Variants in CD300LG observed in about 807,000 individuals in gnomAD.
CD300LG encodes the protein CMRF35-like molecule 9.
CD300LG carries 29 observed loss-of-function variants against 31.5 expected under a neutral mutation model. The ratio of observed to expected loss-of-function variants is 0.92; its 90% confidence interval spans 0.68 to 1.25. The LOEUF is 1.25. Among genes scored for constraint, CD300LG ranks in the 50% most tolerant of loss-of-function variants. The pLI is 0.00. For synonymous variants in CD300LG, 175 were observed against 177.2 expected (o/e 0.99, Z 0.10); for missense variants, 396 against 417.6 (o/e 0.95, Z 0.45).
Position 43,848,595 on chromosome 17 carries a change from G to C in CD300LG, c.81G>C (p.Gly27=), listed in dbSNP as rs776536925. 3.1e-5 allele frequency: 50 copies of C among 1,613,900 alleles called. No homozygotes were observed. Among genetic ancestry groups the C allele is most frequent in the Non-Finnish European group, 4.0e-5 (47 of 1,179,960 alleles). The change falls in exon 2 of 7, where the codon GGG becomes GGC. Residue 27 remains glycine (G), a synonymous_variant. Coordinates refer to ENST00000317310, the MANE Select transcript of CD300LG (RefSeq NM_145273.4). ...TGGAGGGCCCAGAGGAAATCAGCGGGTTCGAAGGGGACACTGTGTCCCTGC... is the reference window on the plus strand; with the variant it reads ...TGGAGGGCCCAGAGGAAATCAGCGGCTTCGAAGGGGACACTGTGTCCCTGC... ...EALEGPEEIS[G]FEGDTVSLQC...
intron 1 of CD300LG, 87 bp from the exon 2 acceptor site, chr17:43,848,471 C>T: frequency 9.1e-7 from 1 of 1,104,050 alleles, no homozygotes; most frequent in Non-Finnish European, 1.3e-6. Context: ...AAAAGCCTTC[C>T]TTCTTCCTCC....
chr17:43,853,589 A>AC (rs2046421897), intron 3 of CD300LG, among the ~76,000 whole-genome samples: 1 of 152,120 alleles, frequency 6.6e-6, no homozygotes, highest in Non-Finnish European at 1.5e-5. Flanking sequence ...AAAGAGACTG[A>AC]ACATCATGCA....
In CD300LG at chr17:43,853,959, G is replaced by A. The variant is rs758974683; in HGVS notation, c.634G>A (p.Gly212Arg). ...TCACCCAGCGACCTCTCCTCCTGCA[G>A]GGAGCTCCCGCCCCCCCATGCAGCT... is the stretch of plus-strand genomic sequence containing the variant. Reference protein sequence around the residue: ...SPHPATSPPAGSSRPPMQLDS... With the variant: ...SPHPATSPPARSSRPPMQLDS... Residue 212 changes from glycine to arginine, a missense_variant, in exon 4 of 7, where the codon GGG becomes AGG. By Grantham distance (125) the Gly-to-Arg change is moderately radical. Coordinates refer to ENST00000317310, the MANE Select transcript of CD300LG (RefSeq NM_145273.4). 1.1e-5 allele frequency: 18 copies of A among 1,614,030 alleles called. No individual in the cohort carries two copies. In the South Asian group the frequency reaches 2.0e-4, roughly 18 times the overall value.
chr17:43,851,461 G>C (rs143921931), intron 2 of CD300LG, among the ~76,000 whole-genome samples: 125 of 152,160 alleles, frequency 8.2e-4, no homozygotes, highest in African/African-American at 2.9e-3. Flanking sequence ...TTTTTGGATA[G>C]GGGATACTCA....
At chr17:43,851,059 G>A (rs1469462796) in intron 2 of CD300LG, among the ~76,000 whole-genome samples, 5 of 149,810 alleles carry the variant, frequency 3.3e-5, no homozygotes, top group East Asian at 1.9e-4. Flanking sequence ...GCTTCAACCC[G>A]GGAGGCGGAG....
At position 43,848,768 on chromosome 17, in the gene CD300LG, G is replaced by T. The variant is rs148841815; in HGVS notation, c.254G>T (p.Arg85Leu). The change falls in exon 2 of 7, where the codon CGC (arginine) becomes CTC (leucine). Residue 85 changes from arginine to leucine, a missense_variant. Physicochemically the swap from Arg to Leu is moderately radical, Grantham distance 102 (BLOSUM62 -2). Coordinates refer to ENST00000317310, the MANE Select transcript of CD300LG (RefSeq NM_145273.4). The stretch of plus-strand genomic sequence containing the variant: ...GGCAGGGTGTCCATCCGTGACAGCC[G>T]CCAGGAGCTCTCGCTCATTGTGACC... ...MKGRVSIRDS[R>L]QELSLIVTLW... The T allele has an allele frequency of 3.1e-6, 5 of 1,614,006 alleles. No homozygotes were observed. Among genetic ancestry groups the T allele is most frequent in the East Asian group, 2.2e-5 (1 of 44,898 alleles).
rs374975092 is a variant in CD300LG at position 43,857,086 on chromosome 17, C to T, written c.833-18C>T. 2 of 1,613,780 alleles carry T rather than the reference C, an allele frequency of 1.2e-6. No homozygotes were observed. The highest frequency in any genetic ancestry group is 2.7e-5 in the African/African-American group (2 of 74,934). ...TACTCCTGGCTTCAAGGGGCTCCTC[C>T]TTCTACATCTCTTTCAGCTCAACAG... On this transcript the variant is annotated intron_variant, in intron 5 of 6. Coordinates refer to ENST00000317310, the MANE Select transcript of CD300LG (RefSeq NM_145273.4).
intron 3 of CD300LG, 120 bp downstream of exon 3, chr17:43,853,133 G>A: frequency 1.3e-6 from 1 of 784,982 alleles, no homozygotes; most frequent in Non-Finnish European, 2.0e-6. Context: ...CACAAGCCTG[G>A]GAGCTGGGTT....
chr17:43,852,863 G>A (rs2046399446), intron 2 of CD300LG, 49 bp from the exon 3 acceptor site: 1 of 1,434,818 alleles, frequency 7.0e-7, no homozygotes, highest in South Asian at 1.2e-5. Context: ...GAAGGAAAAG[G>A]GGTTCAGAGC....
At chr17:43,855,865 G>A in intron 5 of CD300LG, 1 of 152,342 alleles carries the variant, frequency 6.6e-6, no homozygotes, top group East Asian at 1.9e-4. Flanking sequence ...AGCCACAAAT[G>A]TAATTTAAAA....
rs1316908621 is a variant in CD300LG at position 43,848,482 on chromosome 17, T to TA, written c.44-72dup. The stretch of plus-strand genomic sequence containing the variant: ...TGAGAAAAGCCTTCCTTCTTCCTCC[T>TA]AAAATGGAAGCTCTGGCCTTGACCT... On this transcript the variant is annotated intron_variant, in intron 1 of 6. Coordinates refer to ENST00000317310, the MANE Select transcript of CD300LG (RefSeq NM_145273.4). The TA allele has an allele frequency of 1.7e-5, 21 of 1,221,590 alleles. No individual in the cohort carries two copies. The East Asian group carries it at 2.8e-4, about 16-fold the overall frequency. The allele number at this position is 1,221,590 out of a possible 1,614,324, so 75.7% of individuals were successfully genotyped here.
chr17:43,850,620 G>A (rs1327411632), intron 2 of CD300LG, among the ~76,000 whole-genome samples: 1 of 151,866 alleles, frequency 6.6e-6, no homozygotes, highest in African/African-American at 2.4e-5. Context: ...ACAGGCACAA[G>A]TCACTATGCC....
intron 4 of CD300LG, among the ~76,000 whole-genome samples, chr17:43,854,343 A>G (rs1306193043): frequency 2.6e-5 from 4 of 152,180 alleles, no homozygotes; most frequent in African/African-American, 7.2e-5. Flanking sequence ...TTGCCTGTAT[A>G]CTTTGCACTA....
rs769727412 is a variant in CD300LG, at chr17:43,853,899, C to T, written c.574C>T (p.His192Tyr). The change falls in exon 4 of 7, where the codon CAC becomes TAC. Residue 192 changes from histidine (H) to tyrosine (Y), a missense_variant. His to Tyr is a moderately conservative substitution (Grantham distance 83). Coordinates refer to ENST00000317310, the MANE Select transcript of CD300LG (RefSeq NM_145273.4). ...ATTGCCAGGGACTTCCCAGTACGGG[C>T]ACGAAAGGACTTCTCAGTACACAGG... ...PPLPGTSQYG[H>Y]ERTSQYTGTS... is the part of the protein sequence containing the mutation. 3.7e-6 allele frequency: 6 copies of T among 1,614,004 alleles called. No homozygotes were observed. The South Asian group carries it at 6.6e-5, about 18-fold the overall frequency.
intron 6 of CD300LG, chr17:43,857,445 T>C: frequency 6.5e-7 from 1 of 1,537,260 alleles, no homozygotes; most frequent in South Asian, 1.2e-5. Flanking sequence ...AGGCGCCTTC[T>C]TTCCATCCCC....
intron 6 of CD300LG, among the ~76,000 whole-genome samples, chr17:43,861,591 G>A (rs552630738): frequency 6.6e-6 from 1 of 152,340 alleles, no homozygotes; most frequent in African/African-American, 2.4e-5. Context: ...CACCCCGGGG[G>A]AGGGATGGAT....
At chr17:43,857,327 A>C in intron 6 of CD300LG, 171 bp downstream of exon 6, 1 of 1,478,272 alleles carries the variant, frequency 6.8e-7, no homozygotes, top group South Asian at 1.3e-5. Flanking sequence ...TCAGCCCTTC[A>C]GGGTGTGAGC....
chr17:43,854,697 TC>T (rs1172783225), intron 4 of CD300LG, among the ~76,000 whole-genome samples: 1 of 152,082 alleles, frequency 6.6e-6, no homozygotes, highest in African/African-American at 2.4e-5. Context: ...ACCGGGAACT[TC>T]CCCACACACC....
Position 43,857,124 on chromosome 17 carries a change from CAG to C in CD300LG, c.856_857del (p.Arg286GlufsTer22). 1 of 1,614,184 alleles carries C rather than the reference CAG, an allele frequency of 6.2e-7. No individual in the cohort carries two copies. Among genetic ancestry groups the C allele is most frequent in the Non-Finnish European group, 8.5e-7 (1 of 1,180,026 alleles). On this transcript the variant is annotated frameshift_variant, in exon 6 of 7. Transcript: ENST00000317310. LOFTEE classifies it low-confidence loss of function (END_TRUNC). Reference sequence around the variant, plus strand: ...TTCAGCTCAACAGGCCACGGAGACACAGAGGAACGAGAAGTTCTGCCTCTCAC... The same window carrying C: ...TTCAGCTCAACAGGCCACGGAGACACAGGAACGAGAAGTTCTGCCTCTCAC... ...RKEAQQATET[Q>X]RNEKFCLSRL...
Sources: gnomAD v4.1 joint callset for allele counts (sites outside exome capture counted in the v4.1 genomes callset) on GRCh38, gnomAD v4.1.1 for gene constraint, MANE v1.5 for transcripts, NCBI Gene and HGNC (gene_info 2026-07-23, HGNC 2026-07-21) for gene names.